The following MELK variants were observed in gnomAD, a reference collection of about 807,000 sequenced individuals.
MELK encodes pEg3 kinase.
A neutral mutation model predicts 85.0 loss-of-function variants in MELK; 81 were observed. That is an observed-to-expected ratio of 0.95 (90% CI 0.80 to 1.15). The LOEUF (loss-of-function observed/expected upper bound fraction) is 1.15. Ranked by LOEUF, MELK falls within the 50% of genes most tolerant of loss-of-function variation. The pLI, the probability that MELK is intolerant of heterozygous loss-of-function variation, is 0.00. For synonymous variants in MELK, 252 were observed against 265.0 expected (o/e 0.95, Z 0.48); for missense variants, 754 against 777.5 (o/e 0.97, Z 0.36).
At chr9:36,646,561 C>T (rs1830231924) in intron 11 of MELK, among the ~76,000 whole-genome samples, 1 of 152,194 alleles carries the variant, frequency 6.6e-6, no homozygotes, top group African/African-American at 2.4e-5. Context: ...TTGAGATTCC[C>T]AACAGTGCTT....
At position 36,636,813 on chromosome 9, in the gene MELK, T is replaced by C. The variant is rs1391214854; in HGVS notation, c.834+3613T>C. Among the ~76,000 whole-genome samples, 3 of 142,952 alleles carry C rather than the reference T, an allele frequency of 2.1e-5. No homozygotes were observed. In the East Asian group the frequency reaches 5.9e-4, roughly 28 times the overall value. The allele number at this position is 142,952 out of a possible 152,430, so 93.8% of individuals were successfully genotyped here. On this transcript the variant is annotated intron_variant, in intron 10 of 17. Transcript: ENST00000298048. The stretch of plus-strand genomic sequence containing the variant: ...CTGTCTTTCTTTCTTTCTGTCTTTC[T>C]TTCTTTCTGTCTTTCTTGTCTTTCT...
intron 8 of MELK, among the ~76,000 whole-genome samples, chr9:36,621,292 A>C (rs1587467075): frequency 1.9e-5 from 2 of 105,586 alleles, no homozygotes; most frequent in African/African-American, 9.4e-5. Context: ...AAAAAAAAAA[A>C]AAAAAAAAAA....
intron 10 of MELK, among the ~76,000 whole-genome samples, chr9:36,642,220 G>A (rs1041041173): frequency 2.0e-5 from 3 of 152,032 alleles, no homozygotes; most frequent in South Asian, 2.1e-4. Context: ...TGGCACCATC[G>A]TAAAGGCTCC....
At chr9:36,615,882 G>A (rs1244505591) in intron 8 of MELK, among the ~76,000 whole-genome samples, 4 of 151,060 alleles carry the variant, frequency 2.6e-5, no homozygotes, top group Non-Finnish European at 5.9e-5. Context: ...TGGGCAGCCA[G>A]GCAGAGGGGC....
At chr9:36,673,603 T>G (rs1334632946) in intron 16 of MELK, among the ~76,000 whole-genome samples, 2 of 152,058 alleles carry the variant, frequency 1.3e-5, no homozygotes, top group African/African-American at 4.8e-5. Context: ...TAATTTTTTT[T>G]GCAGAGACAG....
intron 11 of MELK, among the ~76,000 whole-genome samples, chr9:36,644,426 C>T (rs1176525225): frequency 1.3e-5 from 2 of 152,078 alleles, no homozygotes; most frequent in South Asian, 2.1e-4. Flanking sequence ...TTAAACAAAG[C>T]TTTGCTAAGG....
chr9:36,609,096 C>G (rs1240690722), intron 8 of MELK, among the ~76,000 whole-genome samples: 2 of 152,040 alleles, frequency 1.3e-5, no homozygotes, highest in Admixed American at 1.3e-4. Context: ...ATATCAGAGA[C>G]AGAGAGTAGA....
chr9:36,611,754 A>G (rs191119744), intron 8 of MELK, among the ~76,000 whole-genome samples: 19 of 137,740 alleles, frequency 1.4e-4, no homozygotes, highest in African/African-American at 5.2e-4. Context: ...AAATGTAGCT[A>G]TTATTATTAT....
rs139891527 is a variant in MELK at position 36,651,619 on chromosome 9, A to G, written c.922-127A>G. The G allele has an allele frequency of 2.3e-4, 250 of 1,082,720 alleles. No individual in the cohort carries two copies. In the East Asian group the frequency reaches 6.3e-3, roughly 27 times the overall value. 67.1% of individuals were successfully genotyped at this position (1,082,720 alleles called of 1,614,324 possible). On this transcript the variant is annotated intron_variant, in intron 11 of 17. Coordinates refer to ENST00000298048, the MANE Select transcript of MELK (RefSeq NM_014791.4). ...TGCACTGGTTGCTGTTTTTCATCAT[A>G]TGCTGTGTAAACCTATTGGCTTTTA... is the stretch of plus-strand genomic sequence containing the variant.
chr9:36,669,225 T>C, intron 14 of MELK, 85 bp from the exon 15 acceptor site: 1 of 804,374 alleles, frequency 1.2e-6, no homozygotes, highest in African/African-American at 1.8e-5. Flanking sequence ...ATGAATAATG[T>C]GATACCTGCA....
chr9:36,581,685 A>G lies in MELK; in HGVS notation c.4A>G (p.Lys2Glu). The change falls in exon 2 of 18, where the codon AAA (lysine) becomes GAA (glutamate). Residue 2 changes from lysine (K) to glutamate (E), a missense_variant. Transcript: ENST00000298048. Reference protein sequence around the residue: MKDYDELLKYYE... With the variant: MEDYDELLKYYE... ...CAAATAAACTTGCAAGAGGACTATGAAAGATTATGATGAACTTCTCAAATA... is the reference window on the plus strand; with the variant it reads ...CAAATAAACTTGCAAGAGGACTATGGAAGATTATGATGAACTTCTCAAATA... The G allele has an allele frequency of 6.3e-7, 1 of 1,587,818 alleles. No individual in the cohort carries two copies. Among genetic ancestry groups the G allele is most frequent in the Non-Finnish European group, 8.6e-7 (1 of 1,157,264 alleles).
chr9:36,623,423 A>G (rs1007525528), intron 8 of MELK, among the ~76,000 whole-genome samples: 1 of 152,094 alleles, frequency 6.6e-6, no homozygotes, highest in African/African-American at 2.4e-5. Flanking sequence ...TCATTTTTGG[A>G]CTCTATTTTG....
intron 8 of MELK, among the ~76,000 whole-genome samples, chr9:36,629,320 A>C (rs1405576454): frequency 6.6e-6 from 1 of 152,204 alleles, no homozygotes; most frequent in East Asian, 1.9e-4. Flanking sequence ...GCTTCCTCTG[A>C]ATTGGGAAAG....
At chr9:36,596,201 G>A (rs1824215073) in intron 5 of MELK, among the ~76,000 whole-genome samples, 1 of 152,196 alleles carries the variant, frequency 6.6e-6, no homozygotes, top group Non-Finnish European at 1.5e-5. Context: ...GGCACAAATT[G>A]TGTTTGCTTG....
intron 8 of MELK, among the ~76,000 whole-genome samples, chr9:36,611,802 C>T (rs1228548874): frequency 2.7e-5 from 4 of 146,554 alleles, no homozygotes; most frequent in African/African-American, 1.1e-4. Context: ...GAGATGGCGT[C>T]TCGTGCTGTT....
intron 8 of MELK, among the ~76,000 whole-genome samples, chr9:36,611,841 C>T (rs988782440): frequency 6.6e-6 from 1 of 151,240 alleles, no homozygotes; most frequent in Non-Finnish European, 1.5e-5. Context: ...TGGTTAGATT[C>T]GGCTCACTGC....
chr9:36,640,847 A>G (rs1829690596), intron 10 of MELK, among the ~76,000 whole-genome samples: 1 of 152,194 alleles, frequency 6.6e-6, no homozygotes, highest in Non-Finnish European at 1.5e-5. Context: ...TAATACTATT[A>G]CACTAGTGAT....
At position 36,584,657 on chromosome 9, in the gene MELK, C is replaced by G. The variant is rs1298324884; in HGVS notation, c.144+945C>G. ...CCCATCTTTATTTTCTTATGATACT[C>G]TTACTAAATATAAATCATTTTGGTA... is the stretch of plus-strand genomic sequence containing the variant. On this transcript the variant is annotated intron_variant, in intron 3 of 17. Coordinates refer to ENST00000298048, the MANE Select transcript of MELK (RefSeq NM_014791.4). Among the ~76,000 whole-genome samples the G allele has an allele frequency of 3.3e-5, 5 of 151,296 alleles. No homozygotes were observed. The East Asian group carries it at 9.7e-4, about 29-fold the overall frequency.
rs921793738 is a variant in MELK, at chr9:36,581,840, T to C, written c.58+101T>C. ...CTTTTTCGTCTAACCCACACAGTTT[T>C]AAAATTCTTCTACCTACTTCAGTAA... is the stretch of plus-strand genomic sequence containing the variant. On this transcript the variant is annotated intron_variant, in intron 2 of 17. Coordinates refer to ENST00000298048, the MANE Select transcript of MELK (RefSeq NM_014791.4). 1.0e-5 allele frequency: 9 copies of C among 896,458 alleles called. No homozygotes were observed. In the East Asian group the frequency reaches 1.3e-4, roughly 13 times the overall value. 55.5% of individuals were successfully genotyped at this position (896,458 alleles called of 1,614,324 possible). A position where few individuals can be genotyped will look rare whatever the true frequency, so the allele number is the denominator to read the frequency against.
Sources: gnomAD v4.1 joint callset for allele counts (sites outside exome capture counted in the v4.1 genomes callset) on GRCh38, gnomAD v4.1.1 for gene constraint, MANE v1.5 for transcripts, NCBI Gene and HGNC (gene_info 2026-07-23, HGNC 2026-07-21) for gene names.